PDZD7: variants seen among roughly 807,000 people sequenced by gnomAD.
PDZD7 encodes PDZ domain-containing protein 7.
Under a neutral mutation model 84.7 loss-of-function variants are expected in PDZD7, and 72 were observed. The ratio of observed to expected loss-of-function variants is 0.85; its 90% CI spans 0.70 to 1.03. PDZD7 has a LOEUF of 1.03. Ranked by LOEUF, PDZD7 falls within the 50% of genes least tolerant of loss-of-function variation. The pLI, the probability that PDZD7 is intolerant of heterozygous loss-of-function variation, is 0.00. For missense variants in PDZD7, 1,490 were observed against 1,412.9 expected, an observed-to-expected ratio of 1.05 and a Z score of -0.87; for synonymous variants, 594 against 580.7, an observed-to-expected ratio of 1.02 and a Z score of -0.33.
In PDZD7 at chr10:101,020,480, C is replaced by T; in HGVS notation, c.928+138G>A. The T allele has an allele frequency of 3.8e-6, 3 of 786,532 alleles. No individual in the cohort carries two copies. The South Asian group carries it at 4.4e-5, about 12-fold the overall frequency. The allele number at this position is 786,532 out of a possible 1,614,324, so 48.7% of individuals were successfully genotyped here. ...CTTGAACTCCTGTACTCAAGCGATC[C>T]TCCCACCTCAGCCTCCCAAAATGCT... is the stretch of plus-strand genomic sequence containing the variant. On this transcript the variant is annotated intron_variant, in intron 7 of 16. Transcript: ENST00000619208.
chr10:101,023,431 C>A lies in PDZD7; in HGVS notation c.542+5G>T. 6.2e-7 allele frequency: 1 copy of A among 1,614,058 alleles called. No homozygotes were observed. The highest frequency in any genetic ancestry group is 8.5e-7 in the Non-Finnish European group (1 of 1,180,014). On this transcript the variant is annotated splice_donor_5th_base_variant and intron_variant, in intron 4 of 16. Transcript: ENST00000619208. ...CAGGGCTAGGATGAGGGAGTTGCTG[C>A]TCACCACGTGGTCTTCTCCTTGGAG...
intron 5 of PDZD7, 130 bp from the exon 6 acceptor site, chr10:101,022,075 C>T (rs976084551): frequency 5.1e-6 from 8 of 1,557,694 alleles, no homozygotes; most frequent in Non-Finnish European, 7.0e-6. Flanking sequence ...GGCCTCCCGC[C>T]CCCTCCCAGG....
intron 10 of PDZD7, 142 bp from the exon 11 acceptor site, chr10:101,015,953 C>CACA (rs1852606331): frequency 2.3e-6 from 2 of 888,112 alleles, no homozygotes. Context: ...TAGCCCACAG[C>CACA]AACCTGCCCA....
intron 2 of PDZD7, among the ~76,000 whole-genome samples, chr10:101,025,658 C>T (rs1209799197): frequency 1.3e-5 from 2 of 151,816 alleles, no homozygotes; most frequent in Non-Finnish European, 2.9e-5. Context: ...CGCTATTCTC[C>T]TGCCTCAGCC....
In PDZD7 at chr10:101,011,678, A is replaced by T; in HGVS notation, c.2005+12T>A. 17 of 1,537,078 alleles carry T rather than the reference A, an allele frequency of 1.1e-5. No individual in the cohort carries two copies. Among genetic ancestry groups the T allele is most frequent in the Non-Finnish European group, 1.1e-5 (13 of 1,146,696 alleles). On this transcript the variant is annotated intron_variant, in intron 14 of 16. Transcript: ENST00000619208. ...GCTGTGCCCCTCCCTGGGCTCTGGGACTCTGACTGACCAGGCACGGGGGTG... is the reference window on the plus strand; with the variant it reads ...GCTGTGCCCCTCCCTGGGCTCTGGGTCTCTGACTGACCAGGCACGGGGGTG...
At chr10:101,021,197 C>T (rs1052648779) in intron 6 of PDZD7, among the ~76,000 whole-genome samples, 12 of 151,944 alleles carry the variant, frequency 7.9e-5, no homozygotes, top group Non-Finnish European at 1.3e-4. Flanking sequence ...CGGGGGAAGG[C>T]GGCAGAGGAG....
Position 101,015,809 on chromosome 10 carries a change from G to T in PDZD7, c.1576C>A (p.Gln526Lys), listed in dbSNP as rs1554834186. Residue 526 changes from glutamine to lysine, a missense_variant and splice_region_variant, in exon 11 of 17, where the codon CAG (glutamine) becomes AAG (lysine). Gln to Lys is a moderately conservative substitution (Grantham distance 53). Transcript: ENST00000619208. ...GACAGCAGGGCCCGGCCCCTCTCCTGGTCTGCAGGGCAGGAACCATCAGGG... is the reference window on the plus strand; with the variant it reads ...GACAGCAGGGCCCGGCCCCTCTCCTTGTCTGCAGGGCAGGAACCATCAGGG... ...KFVTWRLRRD[Q>K]ERGRALLSAR... 13 of 1,547,768 alleles carry T rather than the reference G, an allele frequency of 8.4e-6. No homozygotes were observed. Among genetic ancestry groups the T allele is most frequent in the South Asian group, 1.2e-5 (1 of 83,936 alleles).
intron 7 of PDZD7, among the ~76,000 whole-genome samples, chr10:101,019,635 T>A (rs1852961906): frequency 6.7e-6 from 1 of 149,284 alleles, no homozygotes; most frequent in Non-Finnish European, 1.5e-5. Context: ...CTTCTTCTTT[T>A]TTTTTTCTTT....
At position 101,011,939 on chromosome 10, in the gene PDZD7, A is replaced by G. The variant is rs747036095; in HGVS notation, c.1919T>C (p.Leu640Pro). Residue 640 changes from leucine (L) to proline (P), a missense_variant, in exon 13 of 17, where the codon CTC becomes CCC. Leu to Pro is a moderately conservative substitution (Grantham distance 98). Transcript: ENST00000619208. ...CCACTGCTGACCTGCCCTGCTCTTGAGGGCCTCAAAAGCCTCCAGCTCCAC... is the reference window on the plus strand; with the variant it reads ...CCACTGCTGACCTGCCCTGCTCTTGGGGGCCTCAAAAGCCTCCAGCTCCAC... ...MLVELEAFEA[L>P]KSRAVRPPAL... 1.9e-6 allele frequency: 3 copies of G among 1,550,084 alleles called. No individual in the cohort carries two copies. The African/African-American group carries it at 4.1e-5, about 21-fold the overall frequency.
chr10:101,024,060 C>T lies in PDZD7; in HGVS notation c.235G>A (p.Asp79Asn), dbSNP rs923630396. Residue 79 changes from aspartate to asparagine, a missense_variant, in exon 3 of 17, where the codon GAT becomes AAT. By Grantham distance (23) the Asp-to-Asn change is conservative (BLOSUM62 1). Transcript: ENST00000619208. The part of the protein sequence containing the change: ...LINSPIEANS[D>N]ESDIIHSVRV... ...ACTGAATGGATGATGTCACTTTCAT[C>T]ACTGTTGGCTGTGAGGACAGGGATT... is the stretch of plus-strand genomic sequence containing the variant. 6.2e-7 allele frequency: 1 copy of T among 1,614,152 alleles called. No individual in the cohort carries two copies. Among genetic ancestry groups the T allele is most frequent in the Non-Finnish European group, 8.5e-7 (1 of 1,180,058 alleles).
At position 101,008,993 on chromosome 10, in the gene PDZD7, T is replaced by C. The variant is rs1852305905; in HGVS notation, c.2719-143A>G. On this transcript the variant is annotated intron_variant, in intron 16 of 16. Coordinates refer to ENST00000619208, the MANE Select transcript of PDZD7 (RefSeq NM_001195263.2). ...TGGAGGGGATGGACAATGAGACTTT[T>C]GTGCCTGCAGTTGTTGGGGGCAGGG... 6 of 1,135,258 alleles carry C rather than the reference T, an allele frequency of 5.3e-6. No individual in the cohort carries two copies. In the East Asian group the frequency reaches 1.0e-4, roughly 20 times the overall value. The allele number at this position is 1,135,258 out of a possible 1,614,324, so 70.3% of individuals were successfully genotyped here. A position where few individuals can be genotyped will look rare whatever the true frequency, so the allele number is the denominator to read the frequency against.
Position 101,011,915 on chromosome 10 carries a change from C to T in PDZD7, c.1933+10G>A. 6.5e-7 allele frequency: 1 copy of T among 1,549,956 alleles called. No individual in the cohort carries two copies. Among genetic ancestry groups the T allele is most frequent in the Non-Finnish European group, 8.7e-7 (1 of 1,146,928 alleles). Reference sequence around the variant, plus strand: ...CTCAGGACCCAGAAGCCCCGCCCCCCACTGCTGACCTGCCCTGCTCTTGAG... The same window carrying T: ...CTCAGGACCCAGAAGCCCCGCCCCCTACTGCTGACCTGCCCTGCTCTTGAG... On this transcript the variant is annotated intron_variant, in intron 13 of 16. Coordinates refer to ENST00000619208, the MANE Select transcript of PDZD7 (RefSeq NM_001195263.2).
At chr10:101,022,090 C>A in intron 5 of PDZD7, 119 bp downstream of exon 5, 1 of 1,561,852 alleles carries the variant, frequency 6.4e-7, no homozygotes, top group Admixed American at 1.8e-5. Context: ...CCCAGGCCCT[C>A]ACTGAGACAG....
Position 101,010,569 on chromosome 10 carries a change from T to C in PDZD7, c.2320A>G (p.Ser774Gly). 6.7e-7 allele frequency: 1 copy of C among 1,486,834 alleles called. No homozygotes were observed. The highest frequency in any genetic ancestry group is 9.0e-7 in the Non-Finnish European group (1 of 1,105,754). 92.1% of individuals were successfully genotyped at this position (1,486,834 alleles called of 1,614,324 possible). A position where few individuals can be genotyped will look rare whatever the true frequency, so the allele number is the denominator to read the frequency against. Residue 774 changes from serine to glycine, a missense_variant, in exon 15 of 17, where the codon AGC becomes GGC. Transcript: ENST00000619208. ...SQIRGRAQSR[S>G]RSRSRSRSRS... is the part of the protein sequence containing the mutation. ...CTGCGGCTGCGGCTACGGCTGCGGCTACGGCTCTGAGCCCGGCCCCGGATC... is the reference window on the plus strand; with the variant it reads ...CTGCGGCTGCGGCTACGGCTGCGGCCACGGCTCTGAGCCCGGCCCCGGATC...
chr10:101,015,835 G>T (rs542360580), intron 10 of PDZD7, 24 bp from the exon 11 acceptor site: 1 of 1,535,436 alleles, frequency 6.5e-7, no homozygotes, highest in South Asian at 1.2e-5. Context: ...ACCATCAGGG[G>T]AGGGGAGAGG....
At chr10:101,029,896 C>T in intron 2 of PDZD7, 98 bp downstream of exon 2, 1 of 1,281,888 alleles carries the variant, frequency 7.8e-7, no homozygotes, top group East Asian at 2.4e-5. Context: ...CTCTTGAATT[C>T]CCCCAATCAT....
intron 11 of PDZD7, among the ~76,000 whole-genome samples, chr10:101,014,530 A>G (rs1001453282): frequency 6.6e-6 from 1 of 152,144 alleles, no homozygotes; most frequent in African/African-American, 2.4e-5. Flanking sequence ...GCTGGGAGCT[A>G]AGGGTGACAC....
chr10:101,018,419 G>T, intron 8 of PDZD7, 123 bp from the exon 9 acceptor site: 2 of 1,047,440 alleles, frequency 1.9e-6, no homozygotes, highest in Non-Finnish European at 2.8e-6. Flanking sequence ...CTGCAGCTAC[G>T]CCGGGGTGAG....
At chr10:101,017,496 G>T in intron 9 of PDZD7, 1 of 627,010 alleles carries the variant, frequency 1.6e-6, no homozygotes, top group East Asian at 3.0e-5. Context: ...AGAGTAGTTG[G>T]GATTGGCCAG....
Sources: allele counts gnomAD v4.1 joint callset (sites outside exome capture counted in the v4.1 genomes callset), GRCh38; gene constraint gnomAD v4.1.1; transcripts MANE v1.5; gene names NCBI Gene and HGNC (gene_info 2026-07-23, HGNC 2026-07-21).